RAVER2: variants seen among roughly 807,000 people sequenced by gnomAD.
RAVER2 encodes ribonucleoprotein, PTB binding 2, also known as ribonucleoprotein PTB-binding 2.
Under a neutral mutation model 78.1 loss-of-function variants are expected in RAVER2, and 46 were observed. The observed-to-expected ratio is 0.59, with a 90% CI of 0.46 to 0.75. RAVER2 has a LOEUF of 0.75. Ranked by LOEUF, RAVER2 falls within the 30% of genes least tolerant of loss-of-function variation. The probability of loss-of-function intolerance (pLI) is 0.00; values close to 1 mark genes in which losing one functional copy is unlikely to be tolerated. For synonymous variants in RAVER2, 311 were observed against 313.3 expected, an observed-to-expected ratio of 0.99 and a Z score of 0.08; for missense variants, 793 against 837.5, an observed-to-expected ratio of 0.95 and a Z score of 0.66.
At chr1:64,776,018 T>A (rs1330810934) in intron 2 of RAVER2, among the ~76,000 whole-genome samples, 10 of 85,070 alleles carry the variant, frequency 1.2e-4, no homozygotes, top group African/African-American at 3.8e-4. Flanking sequence ...GACTCTTGTC[T>A]CAAAAAAAAA....
intron 8 of RAVER2, among the ~76,000 whole-genome samples, chr1:64,805,737 A>C (rs1182372866): frequency 6.6e-6 from 1 of 152,204 alleles, no homozygotes; most frequent in Non-Finnish European, 1.5e-5. Flanking sequence ...AAGGGCCACC[A>C]ATAATTTAAA....
intron 11 of RAVER2, among the ~76,000 whole-genome samples, chr1:64,822,213 G>A (rs1463899297): frequency 2.0e-5 from 3 of 152,158 alleles, no homozygotes; most frequent in Admixed American, 6.5e-5. Flanking sequence ...GCGTGAACCC[G>A]GGAGGCAGAG....
chr1:64,800,023 A>T (rs1431736255), intron 5 of RAVER2, among the ~76,000 whole-genome samples: 1 of 151,922 alleles, frequency 6.6e-6, no homozygotes, highest in Non-Finnish European at 1.5e-5. Context: ...CTGATGTTGA[A>T]CATTTTTTCA....
At chr1:64,813,807 T>C (rs1444853619) in intron 10 of RAVER2, among the ~76,000 whole-genome samples, 2 of 150,486 alleles carry the variant, frequency 1.3e-5, no homozygotes, top group Non-Finnish European at 2.9e-5. Flanking sequence ...TTACATTTTA[T>C]ATGCCTTGTT....
At position 64,804,926 on chromosome 1, in the gene RAVER2, G is replaced by T. The variant is rs72675429; in HGVS notation, c.1297-65G>T. ...GATCAGGTTGTTTATGAATTTTCAC[G>T]TGTGTAGCTTTTTTTAGGTTATATC... On this transcript the variant is annotated intron_variant, in intron 7 of 11. Coordinates refer to ENST00000294428, the Ensembl canonical transcript of RAVER2. 5 of 1,539,166 alleles carry T rather than the reference G, an allele frequency of 3.2e-6. No homozygotes were observed. The East Asian group carries it at 1.1e-4, about 35-fold the overall frequency.
chr1:64,766,616 C>G (rs911075388), intron 1 of RAVER2, among the ~76,000 whole-genome samples: 1 of 152,134 alleles, frequency 6.6e-6, no homozygotes, highest in African/African-American at 2.4e-5. Flanking sequence ...TACTTAAGCT[C>G]TCTTAGGTAA....
intron 9 of RAVER2, among the ~76,000 whole-genome samples, chr1:64,809,522 A>AAATAAATAAAT (rs1491545296): frequency 2.0e-5 from 3 of 151,732 alleles, no homozygotes; most frequent in Non-Finnish European, 4.4e-5. Context: ...ATAAATAAAT[A>AAATAAATAAAT]AAAGAGATTT....
exon 8 of RAVER2, chr1:64,805,076 T>C: frequency 6.2e-7 from 1 of 1,614,038 alleles, no homozygotes; most frequent in Non-Finnish European, 8.5e-7. Context: ...AAAAAGGAGT[T>C]GGGACATCAT....
At chr1:64,763,808 C>T (rs983422798) in intron 1 of RAVER2, among the ~76,000 whole-genome samples, 1 of 151,884 alleles carries the variant, frequency 6.6e-6, no homozygotes, top group Admixed American at 6.6e-5. Context: ...GAGGCTGAGG[C>T]TGGAGAATCA....
intron 11 of RAVER2, among the ~76,000 whole-genome samples, chr1:64,824,764 T>C (rs1653966842): frequency 6.6e-6 from 1 of 150,986 alleles, no homozygotes; most frequent in Admixed American, 6.7e-5. Context: ...ACCCCGTCTC[T>C]ACAGAAAATA....
rs1222682861 is a variant in RAVER2 at position 64,755,736 on chromosome 1, T to TTTG, written c.249+10317_249+10318insGTT. ...TTTATGCTTCATAGTTTTTTTTTTT[T>TTTG]TTTTTTTTTTTTTTTTTGTAGCCAG... On this transcript the variant is annotated intron_variant, in intron 1 of 11. Coordinates refer to ENST00000294428, the Ensembl canonical transcript of RAVER2. 1.6e-3 allele frequency among the ~76,000 whole-genome samples: 229 copies of TTTG among 142,970 alleles called. 2 individuals carry two copies. The highest frequency in any genetic ancestry group is 5.8e-3 in the African/African-American group (224 of 38,556). The allele number at this position is 142,970 out of a possible 152,430, so 93.8% of individuals were successfully genotyped here.
At chr1:64,825,856 A>C (rs1321533043) in intron 11 of RAVER2, among the ~76,000 whole-genome samples, 1 of 152,262 alleles carries the variant, frequency 6.6e-6, no homozygotes, top group Non-Finnish European at 1.5e-5. Context: ...TTAAAATCCA[A>C]GAATAAAATA....
At chr1:64,758,078 C>T (rs1271458906) in intron 1 of RAVER2, among the ~76,000 whole-genome samples, 1 of 152,150 alleles carries the variant, frequency 6.6e-6, no homozygotes, top group Non-Finnish European at 1.5e-5. Flanking sequence ...CATCACCTTG[C>T]CTGGGTTCTG....
chr1:64,794,397 C>CAA (rs60233578), intron 5 of RAVER2, among the ~76,000 whole-genome samples: 55 of 59,910 alleles, frequency 9.2e-4, no homozygotes, highest in African/African-American at 2.4e-3. Flanking sequence ...GACTCCGTCT[C>CAA]AAAAAAAAAA....
At chr1:64,806,733 A>G (rs1404504807) in intron 8 of RAVER2, among the ~76,000 whole-genome samples, 5 of 152,224 alleles carry the variant, frequency 3.3e-5, no homozygotes, top group African/African-American at 9.6e-5. Context: ...GAAGCCAGCT[A>G]ACCAAATTTA....
Position 64,753,413 on chromosome 1 carries a change from C to T in RAVER2, c.249+7992C>T, listed in dbSNP as rs1651755619. On this transcript the variant is annotated intron_variant, in intron 1 of 11. Transcript: ENST00000294428. ...TCCCCACAAATAAGGTATCCTATTC[C>T]ATCTTCAGACAGCTTTCTTTGTTAT... is the stretch of plus-strand genomic sequence containing the variant. 2.0e-5 allele frequency among the ~76,000 whole-genome samples: 3 copies of T among 151,838 alleles called. No homozygotes were observed. The South Asian group carries it at 6.2e-4, about 32-fold the overall frequency.
At chr1:64,749,367 C>T (rs936827596) in intron 1 of RAVER2, among the ~76,000 whole-genome samples, 4 of 151,636 alleles carry the variant, frequency 2.6e-5, no homozygotes, top group African/African-American at 2.4e-5. Flanking sequence ...TGTGCCACCA[C>T]GCTCGGCTAA....
At chr1:64,782,879 C>T (rs1447065800) in intron 4 of RAVER2, among the ~76,000 whole-genome samples, 1 of 152,166 alleles carries the variant, frequency 6.6e-6, no homozygotes, top group South Asian at 2.1e-4. Flanking sequence ...ATCAATCCCC[C>T]AGCCCCCTAC....
chr1:64,812,056 T>C (rs1036987359), intron 9 of RAVER2, among the ~76,000 whole-genome samples: 7 of 152,126 alleles, frequency 4.6e-5, no homozygotes, highest in Non-Finnish European at 1.0e-4. Context: ...GTAAAAATAT[T>C]GATAACAGGC....
Sources: allele counts gnomAD v4.1 joint callset (sites outside exome capture counted in the v4.1 genomes callset), GRCh38; gene constraint gnomAD v4.1.1; transcripts MANE v1.5; gene names NCBI Gene and HGNC (gene_info 2026-07-23, HGNC 2026-07-21).